Variants in DLG1 observed in about 807,000 individuals in gnomAD.
DLG1 encodes the protein discs large MAGUK scaffold protein 1.
DLG1 carries 42 observed loss-of-function variants against 123.4 expected under a neutral mutation model. The observed-to-expected ratio is 0.34, with a 90% CI of 0.27 to 0.44. The LOEUF is 0.44. DLG1 is among the 20% of genes least tolerant of loss of function. The pLI, the probability that DLG1 is intolerant of heterozygous loss-of-function variation, is 1.00. For missense variants in DLG1, 942 were observed against 1,082.6 expected (o/e 0.87, Z 1.82); for synonymous variants, 317 against 356.2 (o/e 0.89, Z 1.24).
At chr3:197,086,240 T>G (rs1421142292) in intron 15 of DLG1, among the ~76,000 whole-genome samples, 1 of 152,172 alleles carries the variant, frequency 6.6e-6, no homozygotes, top group Non-Finnish European at 1.5e-5. Flanking sequence ...AATACTAGAG[T>G]TGATAGAGTT....
chr3:197,232,854 T>C (rs1743965800), intron 4 of DLG1, among the ~76,000 whole-genome samples: 1 of 151,934 alleles, frequency 6.6e-6, no homozygotes, highest in African/African-American at 2.4e-5. Flanking sequence ...CTATTCATGA[T>C]AAGGGGCACC....
chr3:197,225,179 C>T lies in DLG1; in HGVS notation c.319-30590G>A, dbSNP rs1016161027. 5.9e-5 allele frequency among the ~76,000 whole-genome samples: 9 copies of T among 152,228 alleles called. No homozygotes were observed. In the South Asian group the frequency reaches 8.3e-4, roughly 14 times the overall value. On this transcript the variant is annotated intron_variant, in intron 4 of 24. Transcript: ENST00000667157. ...TTCACCGTGTTAACCAGGACGGTCT[C>T]GATCTCCTGACCTCATGATCTACCT...
chr3:197,053,492 C>A (rs1192707774), intron 23 of DLG1, among the ~76,000 whole-genome samples: 1 of 151,990 alleles, frequency 6.6e-6, no homozygotes, highest in Non-Finnish European at 1.5e-5. Flanking sequence ...TATCTGCTGG[C>A]AGGGCATGGT....
intron 12 of DLG1, among the ~76,000 whole-genome samples, chr3:197,117,968 G>T (rs73891627): frequency 0.13 from 19,745 of 151,742 alleles, 1,789 homozygotes; most frequent in African/African-American, 0.25. Flanking sequence ...TAGGTATGTT[G>T]TGATTTTTTT....
At chr3:197,205,387 A>G (rs558385609) in intron 4 of DLG1, among the ~76,000 whole-genome samples, 26 of 152,356 alleles carry the variant, frequency 1.7e-4, no homozygotes, top group African/African-American at 6.3e-4. Flanking sequence ...ATGTAAATAC[A>G]AAGTTCCAAA....
intron 5 of DLG1, among the ~76,000 whole-genome samples, chr3:197,192,860 A>G (rs867775962): frequency 1.1e-4 from 16 of 152,176 alleles, no homozygotes; most frequent in Non-Finnish European, 1.2e-4. Flanking sequence ...ACGGAAAACA[A>G]AGAGTCTGAA....
chr3:197,127,488 AT>A (rs1560878957), intron 11 of DLG1, among the ~76,000 whole-genome samples: 1,328 of 77,204 alleles, frequency 0.017, 58 homozygotes, highest in Non-Finnish European at 0.025. Flanking sequence ...ATATATATAT[AT>A]ATATATAAAG....
chr3:197,127,495 T>TAA lies in DLG1; in HGVS notation c.1165+3030_1165+3031dup, dbSNP rs774116138. Reference sequence around the variant, plus strand: ...ATATATATATATATATATATATATATAAAGTAAGAAACCTAAAAATACGTA... The same window carrying TAA: ...ATATATATATATATATATATATATATAAAAAGTAAGAAACCTAAAAATACGTA... On this transcript the variant is annotated intron_variant, in intron 11 of 24. Transcript: ENST00000667157. 8.1e-4 allele frequency among the ~76,000 whole-genome samples: 40 copies of TAA among 49,432 alleles called. 1 individual carries two copies. Among genetic ancestry groups the TAA allele is most frequent in the South Asian group, 3.2e-3 (4 of 1,252 alleles). 32.4% of individuals were successfully genotyped at this position (49,432 alleles called of 152,430 possible).
intron 3 of DLG1, among the ~76,000 whole-genome samples, chr3:197,286,597 T>C (rs1181445678): frequency 6.6e-6 from 1 of 152,108 alleles, no homozygotes; most frequent in Non-Finnish European, 1.5e-5. Context: ...ACGGCAATAG[T>C]GGATACGTGT....
intron 4 of DLG1, among the ~76,000 whole-genome samples, chr3:197,201,131 C>A (rs1263232201): frequency 6.6e-6 from 1 of 152,348 alleles, no homozygotes; most frequent in East Asian, 1.9e-4. Flanking sequence ...CGCCTCTAAT[C>A]CCAGCACTTT....
At chr3:197,052,247 G>A (rs1226801681) in intron 23 of DLG1, among the ~76,000 whole-genome samples, 1 of 152,054 alleles carries the variant, frequency 6.6e-6, no homozygotes, top group African/African-American at 2.4e-5. Flanking sequence ...TTGAGGTAAG[G>A]AGTTCAGGGC....
At chr3:197,133,634 G>A (rs1341471480) in intron 10 of DLG1, among the ~76,000 whole-genome samples, 3 of 152,148 alleles carry the variant, frequency 2.0e-5, no homozygotes, top group Non-Finnish European at 2.9e-5. Context: ...TACCAGAGTC[G>A]TCTTCTACAC....
intron 10 of DLG1, among the ~76,000 whole-genome samples, chr3:197,135,258 A>T (rs1260294462): frequency 1.3e-5 from 2 of 152,166 alleles, no homozygotes; most frequent in Non-Finnish European, 2.9e-5. Flanking sequence ...CTGTGTCCCC[A>T]CCCAAATGTC....
At chr3:197,271,852 TAC>T (rs1764035314) in intron 4 of DLG1, among the ~76,000 whole-genome samples, 1 of 152,108 alleles carries the variant, frequency 6.6e-6, no homozygotes, top group East Asian at 1.9e-4. Flanking sequence ...TTCCAAAAAA[TAC>T]ACACATACAG....
At chr3:197,171,745 T>C (rs1561222214) in intron 5 of DLG1, among the ~76,000 whole-genome samples, 1 of 152,148 alleles carries the variant, frequency 6.6e-6, no homozygotes, top group African/African-American at 2.4e-5. Flanking sequence ...ACACGAAACA[T>C]TTCAAAGTAA....
chr3:197,062,416 T>C (rs192268183), intron 22 of DLG1, among the ~76,000 whole-genome samples: 1 of 152,338 alleles, frequency 6.6e-6, no homozygotes, highest in East Asian at 1.9e-4. Context: ...CATTCTAAGT[T>C]GAGGGCCATC....
chr3:197,236,262 G>A (rs1288348604), intron 4 of DLG1, among the ~76,000 whole-genome samples: 5 of 152,050 alleles, frequency 3.3e-5, no homozygotes, highest in Non-Finnish European at 7.4e-5. Context: ...CCAGTGAGCT[G>A]AGATGGCACC....
chr3:197,184,522 C>T (rs1714608617), intron 5 of DLG1, among the ~76,000 whole-genome samples: 1 of 152,182 alleles, frequency 6.6e-6, no homozygotes, highest in South Asian at 2.1e-4. Context: ...GATAGCGCTT[C>T]ATTACAAATG....
chr3:197,054,530 A>C (rs1730310467), intron 23 of DLG1, among the ~76,000 whole-genome samples: 1 of 152,132 alleles, frequency 6.6e-6, no homozygotes. Context: ...GAATCCCTGT[A>C]GTGAATTTTC....
Sources: gnomAD v4.1 joint callset for allele counts (sites outside exome capture counted in the v4.1 genomes callset) on GRCh38, gnomAD v4.1.1 for gene constraint, MANE v1.5 for transcripts, NCBI Gene and HGNC (gene_info 2026-07-23, HGNC 2026-07-21) for gene names.